The following IGDCC4 variants were observed in gnomAD, a reference collection of about 807,000 sequenced individuals.
The protein encoded by IGDCC4 is likely ortholog of mouse neighbor of Punc E11.
Under a neutral mutation model 116.6 loss-of-function variants are expected in IGDCC4, and 72 were observed. The observed-to-expected ratio is 0.62, with a 90% confidence interval of 0.51 to 0.75. IGDCC4 has a LOEUF of 0.75. Ranked by LOEUF, IGDCC4 falls within the 30% of genes least tolerant of loss-of-function variation. The pLI, the probability that IGDCC4 is intolerant of heterozygous loss-of-function variation, is 0.00. For missense variants in IGDCC4, 1,501 were observed against 1,662.4 expected, an observed-to-expected ratio of 0.90 and a Z score of 1.69; for synonymous variants, 709 against 719.9, an observed-to-expected ratio of 0.98 and a Z score of 0.24.
At chr15:65,403,444 T>A (rs189283919) in intron 3 of IGDCC4, among the ~76,000 whole-genome samples, 5 of 152,244 alleles carry the variant, frequency 3.3e-5, no homozygotes, top group Admixed American at 2.6e-4. Flanking sequence ...ACAGTTGGAA[T>A]TTTATTTACC....
At chr15:65,414,033 C>T (rs1199764106) in intron 1 of IGDCC4, among the ~76,000 whole-genome samples, 1 of 152,222 alleles carries the variant, frequency 6.6e-6, no homozygotes, top group Non-Finnish European at 1.5e-5. Context: ...GTAAACATAG[C>T]TCTGCACTCC....
Position 65,410,269 on chromosome 15 carries a change from C to T in IGDCC4, c.472G>A (p.Gly158Arg), listed in dbSNP as rs1395798295. The change falls in exon 3 of 20, where the codon GGG (glycine) becomes AGG (arginine). Residue 158 changes from glycine to arginine, a missense_variant. Coordinates refer to ENST00000352385, the MANE Select transcript of IGDCC4 (RefSeq NM_020962.3). ...HPESQTVEEN[G>R]TARFECHIEG... ...ATGTGGCACTCAAAGCGAGCTGTCCCGTTCTCCTCCACCGTCTGAGACTCC... is the reference window on the plus strand; with the variant it reads ...ATGTGGCACTCAAAGCGAGCTGTCCTGTTCTCCTCCACCGTCTGAGACTCC... The T allele has an allele frequency of 9.3e-6, 15 of 1,613,882 alleles. No individual in the cohort carries two copies. Among genetic ancestry groups the T allele is most frequent in the South Asian group, 2.2e-5 (2 of 91,078 alleles).
rs1005070099 is a variant in IGDCC4 at position 65,402,332 on chromosome 15, A to T, written c.700+19T>A. The T allele has an allele frequency of 9.6e-6, 15 of 1,555,408 alleles. No homozygotes were observed. Among genetic ancestry groups the T allele is most frequent in the Admixed American group, 5.8e-5 (3 of 51,728 alleles). On this transcript the variant is annotated intron_variant, in intron 4 of 19. Transcript: ENST00000352385. ...GTTCCAGAAACCCCCAGGTTTCCCCACCCAGCCAGCCCCCTTACCTCTGTG... is the reference window on the plus strand; with the variant it reads ...GTTCCAGAAACCCCCAGGTTTCCCCTCCCAGCCAGCCCCCTTACCTCTGTG...
At position 65,383,695 on chromosome 15, in the gene IGDCC4, A is replaced by G. The variant is rs977789156; in HGVS notation, c.*314T>C. The stretch of plus-strand genomic sequence containing the variant: ...GGCACCGTTCTGACCTGGAGGACCA[A>G]TCAGGCTGTAGTGACCACTGCCTGG... On this transcript the variant is annotated 3_prime_UTR_variant, in exon 20 of 20. Coordinates refer to ENST00000352385, the MANE Select transcript of IGDCC4 (RefSeq NM_020962.3). The G allele has an allele frequency of 2.3e-5, 6 of 263,292 alleles. No homozygotes were observed. Among genetic ancestry groups the G allele is most frequent in the South Asian group, 1.3e-4 (1 of 7,506 alleles). 16.3% of individuals were successfully genotyped at this position (263,292 alleles called of 1,614,324 possible).
At chr15:65,396,216 G>GCCCCTCCCCC in intron 6 of IGDCC4, 53 bp from the exon 7 acceptor site, 5 of 1,188,158 alleles carry the variant, frequency 4.2e-6, no homozygotes, top group South Asian at 3.5e-5. Flanking sequence ...TAAGGTCTCT[G>GCCCCTCCCCC]CCCCCCCCCC....
At chr15:65,406,828 G>T (rs2063044953) in intron 3 of IGDCC4, among the ~76,000 whole-genome samples, 1 of 152,096 alleles carries the variant, frequency 6.6e-6, no homozygotes, top group Non-Finnish European at 1.5e-5. Flanking sequence ...TGGCCTCCTG[G>T]GTTAGGTTTG....
At position 65,391,952 on chromosome 15, in the gene IGDCC4, C is replaced by T. The variant is rs1412767692; in HGVS notation, c.2152G>A (p.Val718Met). ...VPGRLYEVKL[V>M]AFNKHEDGYA... Reference sequence around the variant, plus strand: ...CCATCCTCATGTTTGTTGAAAGCCACGAGCTTCACCTCGTACAGCCGGCCA... The same window carrying T: ...CCATCCTCATGTTTGTTGAAAGCCATGAGCTTCACCTCGTACAGCCGGCCA... The change falls in exon 12 of 20, where the codon GTG becomes ATG. Residue 718 changes from valine (V) to methionine (M), a missense_variant. By Grantham distance (21) the Val-to-Met change is conservative (BLOSUM62 1). This residue lies in a region of IGDCC4 where 898 missense variants were observed against 978.9 expected (regional missense o/e 0.92). Transcript: ENST00000352385. 1.4e-5 allele frequency: 22 copies of T among 1,613,046 alleles called. No homozygotes were observed. Among genetic ancestry groups the T allele is most frequent in the East Asian group, 6.7e-5 (3 of 44,858 alleles).
In IGDCC4 at chr15:65,384,359, C is replaced by T; in HGVS notation, c.3403G>A (p.Val1135Ile). Residue 1135 changes from valine to isoleucine, a missense_variant, in exon 20 of 20, where the codon GTC becomes ATC. Physicochemically the swap from Val to Ile is conservative, Grantham distance 29. This residue lies in a region of IGDCC4 where 368 missense variants were observed against 355.6 expected (regional missense o/e 1.03). Coordinates refer to ENST00000352385, the MANE Select transcript of IGDCC4 (RefSeq NM_020962.3). This position sits in a 1 kb window ranked among gnomAD's most constrained non-coding sequence, Gnocchi z 4.9. ...CRNQVEAEVIVHSDFSASNGN... is the reference protein window; with the variant it reads ...CRNQVEAEVIIHSDFSASNGN... The stretch of plus-strand genomic sequence containing the variant: ...TTAGATGCACTAAAGTCAGAGTGGA[C>T]AATGACTTCAGCCTCCACCTGGTTC... The T allele has an allele frequency of 1.9e-6, 3 of 1,565,538 alleles. No individual in the cohort carries two copies. The highest frequency in any genetic ancestry group is 2.6e-6 in the Non-Finnish European group (3 of 1,157,016).
intron 3 of IGDCC4, among the ~76,000 whole-genome samples, chr15:65,404,600 T>C (rs1230035935): frequency 6.6e-6 from 1 of 152,190 alleles, no homozygotes; most frequent in African/African-American, 2.4e-5. Context: ...TTCCAGGGAA[T>C]ATTGTGCTCC....
Position 65,395,303 on chromosome 15 carries a change from C to CCG in IGDCC4, c.1412-46_1412-45insCG, listed in dbSNP as rs1555434880. ...GGGGACTGTCATAGTGCCACCCCCC[C>CCG]GTGCTGGCTAGCTGGAGTCTGTATA... On this transcript the variant is annotated intron_variant, in intron 7 of 19. Coordinates refer to ENST00000352385, the MANE Select transcript of IGDCC4 (RefSeq NM_020962.3). 6.3e-6 allele frequency: 10 copies of CCG among 1,575,646 alleles called. No homozygotes were observed. In the Middle Eastern group the frequency reaches 5.1e-4, roughly 80 times the overall value.
At chr15:65,411,433 C>A in intron 1 of IGDCC4, 63 bp from the exon 2 acceptor site, 1 of 1,378,448 alleles carries the variant, frequency 7.3e-7, no homozygotes, top group South Asian at 1.5e-5. Context: ...AGCCTCTGCT[C>A]CTGAGTCACC....
At chr15:65,399,755 T>C (rs143286033) in intron 5 of IGDCC4, among the ~76,000 whole-genome samples, 520 of 152,314 alleles carry the variant, frequency 3.4e-3, no homozygotes, top group African/African-American at 0.012. Flanking sequence ...GTTCAATTTA[T>C]TTTCTTTAAA....
Position 65,422,874 on chromosome 15 carries a change from C to CGGG in IGDCC4, c.-15_-13dup. ...TCCCCCCGCGCCATGGGGCTGGGCT[C>CGGG]GGGCCGCCGCCGCCGCCGCCGCCTC... On this transcript the variant is annotated 5_prime_UTR_variant, in exon 1 of 20. Transcript: ENST00000352385. 8.9e-7 allele frequency: 1 copy of CGGG among 1,117,954 alleles called. No individual in the cohort carries two copies. Among genetic ancestry groups the CGGG allele is most frequent in the Non-Finnish European group, 1.1e-6 (1 of 914,070 alleles). 69.3% of individuals were successfully genotyped at this position (1,117,954 alleles called of 1,614,324 possible).
chr15:65,400,303 C>A (rs779809221), intron 5 of IGDCC4, among the ~76,000 whole-genome samples: 3 of 152,322 alleles, frequency 2.0e-5, no homozygotes, highest in Non-Finnish European at 2.9e-5. Context: ...AGGGTCCCTG[C>A]CTCTCTGTGT....
rs559565996 is a variant in IGDCC4, at chr15:65,405,354, A to C, written c.564-2867T>G. On this transcript the variant is annotated intron_variant, in intron 3 of 19. Transcript: ENST00000352385. Reference sequence around the variant, plus strand: ...ATATGTATCAGTTAGGAAATATAAAAATTTTTAAATGTAAATTGCTAATAA... The same window carrying C: ...ATATGTATCAGTTAGGAAATATAAACATTTTTAAATGTAAATTGCTAATAA... Among the ~76,000 whole-genome samples, 7 of 151,896 alleles carry C rather than the reference A, an allele frequency of 4.6e-5. No individual in the cohort carries two copies. In the East Asian group the frequency reaches 9.7e-4, roughly 21 times the overall value.
At chr15:65,400,166 C>A (rs2062970450) in intron 5 of IGDCC4, among the ~76,000 whole-genome samples, 1 of 152,262 alleles carries the variant, frequency 6.6e-6, no homozygotes, top group Non-Finnish European at 1.5e-5. Context: ...TTTGGCCCAG[C>A]ACTGGCGTTA....
chr15:65,388,419 A>C, intron 16 of IGDCC4, 30 bp downstream of exon 16: 1 of 1,613,390 alleles, frequency 6.2e-7, no homozygotes. Context: ...AAGTCAATCC[A>C]GGGAAACCTG....
At position 65,385,840 on chromosome 15, in the gene IGDCC4, G is replaced by A; in HGVS notation, c.3171C>T (p.Ser1057=). 6.2e-7 allele frequency: 1 copy of A among 1,612,114 alleles called. No homozygotes were observed. Among genetic ancestry groups the A allele is most frequent in the Non-Finnish European group, 8.5e-7 (1 of 1,179,610 alleles). ...TGGGGCTCTGACTTACCTTTCTTTT[G>A]GAGTGACTCCGGCCTTCAGAAACAC... is the stretch of plus-strand genomic sequence containing the variant. ...GGGVSEGRSH[S]KRKISWAQPS... The change falls in exon 18 of 20, where the codon TCC becomes TCT. Residue 1057 remains serine (S), a synonymous_variant. Transcript: ENST00000352385.
chr15:65,401,944 A>G (rs1214520971), intron 4 of IGDCC4, among the ~76,000 whole-genome samples: 2 of 145,348 alleles, frequency 1.4e-5, no homozygotes, highest in Non-Finnish European at 3.0e-5. Flanking sequence ...CACAGAAAGC[A>G]GAGAGGGACG....
Sources: gnomAD v4.1 joint callset for allele counts (sites outside exome capture counted in the v4.1 genomes callset) on GRCh38, gnomAD v4.1.1 for gene constraint, gnomAD v4.1.1 regional missense constraint, Gnocchi (gnomAD v3.1) non-coding constraint, MANE v1.5 for transcripts, NCBI Gene and HGNC (gene_info 2026-07-23, HGNC 2026-07-21) for gene names.